EDA: variants seen among roughly 807,000 people sequenced by gnomAD.
EDA encodes the protein ectodysplasin A.
A neutral mutation model predicts 23.6 loss-of-function variants in EDA; 2 were observed. That is an observed-to-expected ratio of 0.08 (90% CI 0.03 to 0.27). The LOEUF (loss-of-function observed/expected upper bound fraction) is 0.27. Among genes scored for constraint, EDA ranks in the 10% least tolerant of loss-of-function variants. The probability of loss-of-function intolerance (pLI) is 1.00; values close to 1 mark genes in which losing one functional copy is unlikely to be tolerated. For missense variants in EDA, 229 were observed against 324.2 expected (o/e 0.71, Z 2.26); for synonymous variants, 131 against 132.0 (o/e 0.99, Z 0.05).
intron 7 of EDA, among the ~76,000 whole-genome samples, chrX:70,033,849 A>G (rs755424731): frequency 8.9e-6 from 1 of 111,842 alleles, no homozygotes; most frequent in Non-Finnish European, 1.9e-5. Context: ...GTTTGGCTGC[A>G]CTGCCAAACT....
chrX:69,727,642 A>AG (rs2012858552), intron 1 of EDA, among the ~76,000 whole-genome samples: 1 of 111,840 alleles, frequency 8.9e-6, no homozygotes, highest in African/African-American at 3.2e-5. Flanking sequence ...GTGAATTTTG[A>AG]GGGGCACTTG....
At chrX:69,993,202 TAAATA>T (rs1378464724) in intron 2 of EDA, among the ~76,000 whole-genome samples, 2 of 109,068 alleles carry the variant, frequency 1.8e-5, no homozygotes, top group South Asian at 3.8e-4. Context: ...AGTAAAATAA[TAAATA>T]AAATAAAATA....
At chrX:69,719,277 A>G (rs1227087546) in intron 1 of EDA, among the ~76,000 whole-genome samples, 1 of 109,107 alleles carries the variant, frequency 9.2e-6, no homozygotes, top group African/African-American at 3.4e-5. Flanking sequence ...TTTTTATTGC[A>G]TAAGACTGAA....
chrX:69,726,738 C>T lies in EDA; in HGVS notation c.396+110034C>T, dbSNP rs73634201. Among the ~76,000 whole-genome samples the T allele has an allele frequency of 8.4e-3, 943 of 111,836 alleles. 7 individuals carry two copies. Among genetic ancestry groups the T allele is most frequent in the African/African-American group, 0.029 (878 of 30,750 alleles). On this transcript the variant is annotated intron_variant, in intron 1 of 7. Transcript: ENST00000374552. ...TGGTGAAGGTGAAACGGGAGAGTTC[C>T]CTGACTCCCTTGCAGGACTTGTGAT...
intron 1 of EDA, among the ~76,000 whole-genome samples, chrX:69,681,490 G>A (rs1934349482): frequency 9.0e-6 from 1 of 111,122 alleles, no homozygotes; most frequent in African/African-American, 3.3e-5. Context: ...TTTTCACATA[G>A]TCCCATATTT....
At chrX:69,665,090 A>G (rs1187350460) in intron 1 of EDA, among the ~76,000 whole-genome samples, 1 of 111,739 alleles carries the variant, frequency 8.9e-6, no homozygotes, top group Non-Finnish European at 1.9e-5. Flanking sequence ...TCATATGCTC[A>G]TTGGAGATTT....
intron 1 of EDA, among the ~76,000 whole-genome samples, chrX:69,951,795 T>C (rs900899171): frequency 8.9e-6 from 1 of 111,887 alleles, no homozygotes; most frequent in Non-Finnish European, 1.9e-5. Flanking sequence ...ATCCCTGTAA[T>C]TTGCAGGTGC....
chrX:69,722,232 G>T (rs967286247), intron 1 of EDA, among the ~76,000 whole-genome samples: 1 of 109,873 alleles, frequency 9.1e-6, no homozygotes, highest in East Asian at 2.9e-4. Context: ...TTGAGACAGA[G>T]TCTTGTTCTG....
chrX:69,852,273 G>A (rs1318676488), intron 1 of EDA, among the ~76,000 whole-genome samples: 1 of 111,581 alleles, frequency 9.0e-6, no homozygotes, highest in African/African-American at 3.3e-5. Flanking sequence ...GGGATTACAG[G>A]CATGTGCCAC....
intron 6 of EDA, among the ~76,000 whole-genome samples, chrX:70,031,076 T>A (rs931097069): frequency 8.1e-5 from 9 of 111,765 alleles, no homozygotes; most frequent in African/African-American, 2.9e-4. Flanking sequence ...CCCAGAGAGA[T>A]TGGATAATAC....
chrX:69,775,153 G>C (rs1182741621), intron 1 of EDA, among the ~76,000 whole-genome samples: 1 of 111,509 alleles, frequency 9.0e-6, no homozygotes, highest in Non-Finnish European at 1.9e-5. Flanking sequence ...TGAAATCCCT[G>C]AAATTTCAGA....
chrX:69,844,258 A>G (rs2016960993), intron 1 of EDA, among the ~76,000 whole-genome samples: 1 of 112,197 alleles, frequency 8.9e-6, no homozygotes, highest in South Asian at 3.7e-4. Context: ...ATCATCTCAT[A>G]GCCTTTGAAA....
chrX:69,616,405 C>T lies in EDA; in HGVS notation c.97C>T (p.Arg33Trp), dbSNP rs1168030930. 1 of 1,207,705 alleles carries T rather than the reference C, an allele frequency of 8.3e-7. No individual in the cohort carries two copies. Among genetic ancestry groups the T allele is most frequent in the East Asian group, 3.0e-5 (1 of 33,775 alleles). The stretch of plus-strand genomic sequence containing the variant: ...CTGCGGGTGTGGCGGGGCCCCTGCC[C>T]GGGCGGGCGAAGGGAACAGCTGCCT... ...QGCGCGGAPA[R>W]AGEGNSCLLF... Residue 33 changes from arginine (R) to tryptophan (W), a missense_variant, in exon 1 of 8, where the codon CGG becomes TGG. By Grantham distance (101) the Arg-to-Trp change is moderately radical. Coordinates refer to ENST00000374552, the MANE Select transcript of EDA (RefSeq NM_001399.5).
chrX:69,660,125 T>C (rs191223989), intron 1 of EDA, among the ~76,000 whole-genome samples: 49 of 111,336 alleles, frequency 4.4e-4, no homozygotes, highest in African/African-American at 1.5e-3. Flanking sequence ...GTAAAGGCTG[T>C]CTTGAAGTTT....
chrX:70,022,310 C>T (rs1466761010), intron 2 of EDA, among the ~76,000 whole-genome samples: 1 of 109,647 alleles, frequency 9.1e-6, no homozygotes, highest in Non-Finnish European at 1.9e-5. Flanking sequence ...GTTGACATGT[C>T]TTATTTTATT....
At chrX:69,987,169 A>G (rs1350308391) in intron 2 of EDA, among the ~76,000 whole-genome samples, 2 of 98,710 alleles carry the variant, frequency 2.0e-5, no homozygotes, top group East Asian at 3.7e-4. Context: ...GATATACCTA[A>G]TGATAGATGA....
chrX:69,846,547 G>A (rs925844473), intron 1 of EDA, among the ~76,000 whole-genome samples: 15 of 111,107 alleles, frequency 1.4e-4, no homozygotes, highest in African/African-American at 3.6e-4. Flanking sequence ...CGCCCACCTC[G>A]GCCTCCCAGA....
intron 1 of EDA, among the ~76,000 whole-genome samples, chrX:69,632,880 C>T (rs1932655194): frequency 8.9e-6 from 1 of 111,807 alleles, no homozygotes; most frequent in Admixed American, 9.5e-5. Flanking sequence ...TCATTTTCTT[C>T]CTATCCTGTA....
chrX:69,662,727 A>G (rs1933553425), intron 1 of EDA, among the ~76,000 whole-genome samples: 1 of 112,246 alleles, frequency 8.9e-6, no homozygotes, highest in African/African-American at 3.2e-5. Context: ...GGAACTTCCT[A>G]GAGACTTGTT....
Sources: gnomAD v4.1 joint callset for allele counts (sites outside exome capture counted in the v4.1 genomes callset) on GRCh38, gnomAD v4.1.1 for gene constraint, MANE v1.5 for transcripts, NCBI Gene and HGNC (gene_info 2026-07-23, HGNC 2026-07-21) for gene names.